Variants in APBB2 observed in about 807,000 individuals in gnomAD.
The protein encoded by APBB2 is amyloid beta precursor protein binding family B member 2.
In APBB2, 38 loss-of-function variants were observed where a neutral mutation model predicts 82.5. That is an observed-to-expected ratio of 0.46 (90% confidence interval 0.36 to 0.60). APBB2 has a LOEUF of 0.60. APBB2 is among the 20% of genes least tolerant of loss of function. APBB2 has a pLI of 0.00. For synonymous variants in APBB2, 341 were observed against 368.2 expected, an observed-to-expected ratio of 0.93 and a Z score of 0.85; for missense variants, 772 against 972.3, an observed-to-expected ratio of 0.79 and a Z score of 2.74.
rs3058169 is a variant in APBB2 at position 41,083,686 on chromosome 4, CAAAAAAAAAAAAAAA to C, written c.-149+16938_-149+16952del. 1.6e-4 allele frequency among the ~76,000 whole-genome samples: 11 copies of C among 68,052 alleles called. No individual in the cohort carries two copies. In the South Asian group the frequency reaches 8.3e-3, roughly 51 times the overall value. The allele number at this position is 68,052 out of a possible 152,430, so 44.6% of individuals were successfully genotyped here. A position where few individuals can be genotyped will look rare whatever the true frequency, so the allele number is the denominator to read the frequency against. On this transcript the variant is annotated intron_variant, in intron 3 of 17. Coordinates refer to ENST00000508593, the MANE Select transcript of APBB2 (RefSeq NM_004307.2). Reference sequence around the variant, plus strand: ...CTGGAGACAGATTGAGACTCTGTCTCAAAAAAAAAAAAAAAAAAAAAAAAAAAAGTTTCATTGCCA... The same window carrying C: ...CTGGAGACAGATTGAGACTCTGTCTCAAAAAAAAAAAAAGTTTCATTGCCA...
intron 3 of APBB2, among the ~76,000 whole-genome samples, chr4:41,082,084 A>G (rs1737836490): frequency 6.6e-6 from 1 of 152,196 alleles, no homozygotes; most frequent in Non-Finnish European, 1.5e-5. Flanking sequence ...CTAGACAAAC[A>G]TTGGATCACA....
intron 1 of APBB2, among the ~76,000 whole-genome samples, chr4:41,195,574 C>G: frequency 6.6e-6 from 1 of 152,232 alleles, no homozygotes; most frequent in Non-Finnish European, 1.5e-5. Flanking sequence ...GTTCTCACCA[C>G]AGCTGCCACA....
chr4:41,143,865 G>A (rs1290511736), intron 1 of APBB2, among the ~76,000 whole-genome samples: 1 of 152,160 alleles, frequency 6.6e-6, no homozygotes, highest in Admixed American at 6.5e-5. Flanking sequence ...ACATAACTGG[G>A]CAAAAGGAAT....
At chr4:41,157,167 C>T (rs1763686052) in intron 1 of APBB2, among the ~76,000 whole-genome samples, 1 of 152,054 alleles carries the variant, frequency 6.6e-6, no homozygotes, top group Non-Finnish European at 1.5e-5. Flanking sequence ...GCCTGGCACA[C>T]AGCAAGTGGC....
At position 41,014,256 on chromosome 4, in the gene APBB2, T is replaced by C; in HGVS notation, c.162A>G (p.Lys54=). 1 of 1,614,226 alleles carries C rather than the reference T, an allele frequency of 6.2e-7. No homozygotes were observed. Among genetic ancestry groups the C allele is most frequent in the East Asian group, 2.2e-5 (1 of 44,886 alleles). The change falls in exon 6 of 18, where the codon AAA becomes AAG. Residue 54 remains lysine (K), a synonymous_variant. Coordinates refer to ENST00000508593, the MANE Select transcript of APBB2 (RefSeq NM_004307.2). The part of the protein sequence containing the change: ...SHNELLNAEI[K]HTETKNSTPP... ...GTGTGCTGTTCTTGGTTTCTGTGTG[T>C]TTTATTTCAGCGTTCAACAGTTCAT...
At chr4:41,129,554 TC>T (rs553311193) in intron 2 of APBB2, among the ~76,000 whole-genome samples, 64 of 152,338 alleles carry the variant, frequency 4.2e-4, no homozygotes, top group African/African-American at 1.5e-3. Context: ...GGCTTTGTTC[TC>T]CTGCTGTTGT....
intron 2 of APBB2, among the ~76,000 whole-genome samples, chr4:41,135,729 T>C (rs1172607484): frequency 6.6e-6 from 1 of 152,086 alleles, no homozygotes; most frequent in Admixed American, 6.6e-5. Flanking sequence ...ACAAGAAAAA[T>C]ATCAAAAGAT....
intron 5 of APBB2, among the ~76,000 whole-genome samples, chr4:41,016,561 G>A (rs1810001888): frequency 6.6e-6 from 1 of 152,048 alleles, no homozygotes. Flanking sequence ...TGAGGCAGGA[G>A]AATCGCTTGA....
chr4:41,106,602 A>T (rs915490537), intron 2 of APBB2, among the ~76,000 whole-genome samples: 1 of 151,918 alleles, frequency 6.6e-6, no homozygotes, highest in South Asian at 2.1e-4. Flanking sequence ...TCAGCCTCCC[A>T]AGTAGCTGGG....
chr4:41,169,036 T>C (rs964231708), intron 1 of APBB2, among the ~76,000 whole-genome samples: 1 of 151,778 alleles, frequency 6.6e-6, no homozygotes, highest in Non-Finnish European at 1.5e-5. Flanking sequence ...AATACAAAAA[T>C]TAGCTGGGCA....
chr4:41,192,196 T>A (rs368566724), intron 1 of APBB2, among the ~76,000 whole-genome samples: 2 of 152,308 alleles, frequency 1.3e-5, no homozygotes, highest in East Asian at 3.9e-4. Context: ...GGTGGGAATA[T>A]AGACTGGTGT....
intron 10 of APBB2, among the ~76,000 whole-genome samples, chr4:40,908,477 G>C (rs1395422180): frequency 6.6e-6 from 1 of 152,100 alleles, no homozygotes; most frequent in African/African-American, 2.4e-5. Flanking sequence ...TGGCTTTCCT[G>C]ACGGAGAGAG....
intron 2 of APBB2, among the ~76,000 whole-genome samples, chr4:41,135,118 C>T (rs1757188603): frequency 6.7e-6 from 1 of 148,992 alleles, no homozygotes; most frequent in Non-Finnish European, 1.5e-5. Context: ...ACATTTTAAC[C>T]AGACACCAGA....
chr4:40,862,623 G>C lies in APBB2; in HGVS notation c.1529+27741C>G, dbSNP rs184918161. On this transcript the variant is annotated intron_variant, in intron 12 of 17. Coordinates refer to ENST00000508593, the MANE Select transcript of APBB2 (RefSeq NM_004307.2). ...CGCCTGTAATCCCAGAACTTCGGGA[G>C]GCCAAGCCGGGTGGATTACGAGGTC... 7.7e-4 allele frequency among the ~76,000 whole-genome samples: 117 copies of C among 152,338 alleles called. 1 individual carries two copies. Among genetic ancestry groups the C allele is most frequent in the African/African-American group, 2.7e-3 (114 of 41,572 alleles).
intron 6 of APBB2, among the ~76,000 whole-genome samples, chr4:40,976,118 T>C (rs894025562): frequency 2.6e-5 from 4 of 152,218 alleles, no homozygotes; most frequent in African/African-American, 9.6e-5. Flanking sequence ...ATTAATAATG[T>C]TTAAGGCTAT....
At chr4:40,948,890 CAAAAAAAA>C (rs59172492) in intron 6 of APBB2, among the ~76,000 whole-genome samples, 19,774 of 101,834 alleles carry the variant, frequency 0.19, 1,702 homozygotes, top group Admixed American at 0.29. Context: ...ATCCTGTCTC[CAAAAAAAA>C]AAAAAAAAAA....
At chr4:40,898,678 G>C (rs1156973890) in intron 10 of APBB2, among the ~76,000 whole-genome samples, 1 of 151,912 alleles carries the variant, frequency 6.6e-6, no homozygotes, top group African/African-American at 2.4e-5. Flanking sequence ...TGTAGACCAC[G>C]ATACATACGA....
At chr4:40,889,357 G>C (rs1283668892) in intron 12 of APBB2, among the ~76,000 whole-genome samples, 1 of 152,222 alleles carries the variant, frequency 6.6e-6, no homozygotes, top group Non-Finnish European at 1.5e-5. Flanking sequence ...CAAAGGCTGT[G>C]ATAAGCCAAG....
chr4:40,939,555 T>C (rs556277544), intron 7 of APBB2, among the ~76,000 whole-genome samples: 2 of 152,360 alleles, frequency 1.3e-5, no homozygotes, highest in African/African-American at 4.8e-5. Flanking sequence ...TTCCAAGGAC[T>C]ACGGCAGGCA....
Sources: allele counts gnomAD v4.1 joint callset (sites outside exome capture counted in the v4.1 genomes callset), GRCh38; gene constraint gnomAD v4.1.1; transcripts MANE v1.5; gene names NCBI Gene and HGNC (gene_info 2026-07-23, HGNC 2026-07-21).